Variants in ATP2B2 observed in about 807,000 individuals in gnomAD.
ATP2B2 encodes ATPase plasma membrane Ca2+ transporting 2, also known as plasma membrane calcium-transporting ATPase 2.
In ATP2B2, 15 loss-of-function variants were observed where a neutral mutation model predicts 120.0. That is an observed-to-expected ratio of 0.12 (90% CI 0.08 to 0.19). The LOEUF is 0.19. Among genes scored for constraint, ATP2B2 ranks in the 10% least tolerant of loss-of-function variants. ATP2B2 has a pLI of 1.00. For synonymous variants in ATP2B2, 694 were observed against 700.3 expected (o/e 0.99, Z 0.14); for missense variants, 1,045 against 1,719.8 (o/e 0.61, Z 6.94).
At chr3:10,364,027 A>G (rs796502) in intron 12 of ATP2B2, among the ~76,000 whole-genome samples, 17,351 of 152,316 alleles carry the variant, frequency 0.11, 1,381 homozygotes, top group East Asian at 0.31. Flanking sequence ...ATTTATCCAT[A>G]CAATGGACTA....
At chr3:10,508,759 A>G (rs2066700060), upstream of ATP2B2, among the ~76,000 whole-genome samples, 1 of 152,176 alleles carries the variant, frequency 6.6e-6, no homozygotes, top group Non-Finnish European at 1.5e-5. Context: ...GAAATTAGAC[A>G]AACAATGGCA....
intron 2 of ATP2B2, among the ~76,000 whole-genome samples, chr3:10,417,618 C>T (rs2062834802): frequency 6.6e-6 from 1 of 152,178 alleles, no homozygotes; most frequent in African/African-American, 2.4e-5. Flanking sequence ...AGTGCACATC[C>T]AGTCATTCAT....
chr3:10,674,119 A>G (rs1289136792), intron 1 of ATP2B2, among the ~76,000 whole-genome samples: 2 of 152,190 alleles, frequency 1.3e-5, no homozygotes, highest in Admixed American at 6.5e-5. Context: ...GAAATACACA[A>G]GGAGTACAAC....
intron 2 of ATP2B2, among the ~76,000 whole-genome samples, chr3:10,593,903 G>A (rs557404625): frequency 2.8e-4 from 42 of 152,276 alleles, no homozygotes; most frequent in Non-Finnish European, 2.8e-4. Context: ...ACAAGTGGGC[G>A]GAGGATATGA....
At chr3:10,680,384 T>C (rs557350570) in intron 1 of ATP2B2, among the ~76,000 whole-genome samples, 1 of 152,128 alleles carries the variant, frequency 6.6e-6, no homozygotes, top group Non-Finnish European at 1.5e-5. Flanking sequence ...GTGCAGCCAA[T>C]GTCTGTCTCT....
upstream of ATP2B2, among the ~76,000 whole-genome samples, chr3:10,509,243 G>A (rs1002059454): frequency 2.6e-5 from 4 of 152,154 alleles, no homozygotes; most frequent in African/African-American, 9.7e-5. Flanking sequence ...GGTATGAGAC[G>A]TGGGCTCTCT....
chr3:10,623,803 C>T (rs969805302), intron 1 of ATP2B2, among the ~76,000 whole-genome samples: 13 of 152,328 alleles, frequency 8.5e-5, no homozygotes, highest in Admixed American at 5.2e-4. Flanking sequence ...CTTCAGCCCA[C>T]GTGAACCTCA....
intron 3 of ATP2B2, among the ~76,000 whole-genome samples, chr3:10,517,389 C>G (rs2066898103): frequency 6.6e-6 from 1 of 152,174 alleles, no homozygotes; most frequent in African/African-American, 2.4e-5. Context: ...CCCAGGGATG[C>G]AGTGTGGGCC....
chr3:10,683,748 A>ATGTGTGTGTGTGTG (rs372159079), intron 1 of ATP2B2, among the ~76,000 whole-genome samples: 8 of 57,344 alleles, frequency 1.4e-4, no homozygotes, highest in East Asian at 5.7e-4. Context: ...GTGTATATAT[A>ATGTGTGTGTGTGTG]TGTGTGTGTG....
rs1208478071 is a variant in ATP2B2, at chr3:10,483,273, G to A, written c.-320+22192C>T. ...ACAGATGACGAGGCTGTACAGCAGA[G>A]GAGTTAATGACTGGCGTAGGTCCCA... On this transcript the variant is annotated intron_variant, in intron 1 of 22. Transcript: ENST00000360273. Among the ~76,000 whole-genome samples, 8 of 152,244 alleles carry A rather than the reference G, an allele frequency of 5.3e-5. No individual in the cohort carries two copies. In the East Asian group the frequency reaches 1.5e-3, roughly 29 times the overall value.
chr3:10,501,197 C>A (rs541204491), intron 1 of ATP2B2, among the ~76,000 whole-genome samples: 2 of 152,262 alleles, frequency 1.3e-5, no homozygotes, highest in South Asian at 4.1e-4. Flanking sequence ...TCTGACCCTG[C>A]AGAGATTTCC....
chr3:10,540,843 A>C (rs1031572381), intron 2 of ATP2B2, among the ~76,000 whole-genome samples: 2 of 151,686 alleles, frequency 1.3e-5, no homozygotes, highest in Admixed American at 1.3e-4. Flanking sequence ...CGTTGTGCAC[A>C]TGTACCCTAG....
Position 10,332,162 on chromosome 3 carries a change from T to C in ATP2B2, c.3421-3037A>G, listed in dbSNP as rs891722063. On this transcript the variant is annotated intron_variant, in intron 22 of 22. Coordinates refer to ENST00000360273, the MANE Select transcript of ATP2B2 (RefSeq NM_001001331.4). ...TAGTTACCAAAACGCTAATGAGAAG[T>C]CCAGCTTTCTTCCCTTTTTGTTGTC... 8.8e-6 allele frequency: 7 copies of C among 795,352 alleles called. No homozygotes were observed. In the African/African-American group the frequency reaches 1.0e-4, roughly 12 times the overall value. The allele number at this position is 795,352 out of a possible 1,614,324, so 49.3% of individuals were successfully genotyped here.
chr3:10,338,148 G>C, intron 22 of ATP2B2, 28 bp downstream of exon 22: 1 of 1,613,258 alleles, frequency 6.2e-7, no homozygotes. Context: ...GGCCAGGCCT[G>C]GGCCCAGCCC....
At chr3:10,483,823 A>G (rs1245974892) in intron 1 of ATP2B2, among the ~76,000 whole-genome samples, 1 of 152,248 alleles carries the variant, frequency 6.6e-6, no homozygotes, top group Non-Finnish European at 1.5e-5. Flanking sequence ...TCTCCAGTCC[A>G]GACAGATGCT....
Position 10,635,483 on chromosome 3 carries a change from T to C in ATP2B2, c.-459-15522A>G, listed in dbSNP as rs887798717. Among the ~76,000 whole-genome samples, 9 of 152,220 alleles carry C rather than the reference T, an allele frequency of 5.9e-5. No homozygotes were observed. Among genetic ancestry groups the C allele is most frequent in the African/African-American group, 1.4e-4 (6 of 41,540 alleles). ...TGCCTACAGCGGTGAAATTTCTCCA[T>C]CCTGCTTACGTGCCAGAGACTCTAA... is the stretch of plus-strand genomic sequence containing the variant. On this transcript the variant is annotated intron_variant, in intron 1 of 21. Transcript: ENST00000646379. This position sits in a 1 kb window ranked among gnomAD's most constrained non-coding sequence, Gnocchi z 4.3.
At chr3:10,409,691 T>G (rs1037856441) in intron 3 of ATP2B2, among the ~76,000 whole-genome samples, 4 of 152,200 alleles carry the variant, frequency 2.6e-5, no homozygotes, top group Non-Finnish European at 4.4e-5. Context: ...TGGGCAACTT[T>G]GGCTTGGGAG....
Position 10,329,991 on chromosome 3 carries a change from T to C in ATP2B2, c.3421-866A>G, listed in dbSNP as rs927594236. On this transcript the variant is annotated intron_variant, in intron 22 of 22. Coordinates refer to ENST00000360273, the MANE Select transcript of ATP2B2 (RefSeq NM_001001331.4). This position sits in a 1 kb window ranked among gnomAD's most constrained non-coding sequence, Gnocchi z 5.9. ...CTCAAAGCCCTGGCCGGCCAGTTAT[T>C]GGAGCTTGCTTTGGGGTCTCTTATT... Among the ~76,000 whole-genome samples the C allele has an allele frequency of 6.6e-6, 1 of 152,194 alleles. No homozygotes were observed. Among genetic ancestry groups the C allele is most frequent in the African/African-American group, 2.4e-5 (1 of 41,438 alleles).
At chr3:10,627,336 T>C (rs2069732089) in intron 1 of ATP2B2, among the ~76,000 whole-genome samples, 1 of 152,122 alleles carries the variant, frequency 6.6e-6, no homozygotes, top group Non-Finnish European at 1.5e-5. Flanking sequence ...AAGGAGAGAA[T>C]ATTGGAAAGA....
Sources: allele counts gnomAD v4.1 joint callset (sites outside exome capture counted in the v4.1 genomes callset), GRCh38; gene constraint gnomAD v4.1.1; non-coding constraint Gnocchi (gnomAD v3.1); transcripts MANE v1.5; gene names NCBI Gene and HGNC (gene_info 2026-07-23, HGNC 2026-07-21).